Variants in CCND2 observed in about 807,000 individuals in gnomAD.
CCND2 encodes the protein cyclin D2, also known as G1/S-specific cyclin-D2.
CCND2 carries 6 observed loss-of-function variants against 30.2 expected under a neutral mutation model. The ratio of observed to expected loss-of-function variants is 0.20; its 90% CI spans 0.11 to 0.39. CCND2 has a LOEUF of 0.39. Ranked by LOEUF, CCND2 falls within the 10% of genes least tolerant of loss-of-function variation. The pLI, the probability that CCND2 is intolerant of heterozygous loss-of-function variation, is 1.00. For missense variants in CCND2, 235 were observed against 373.4 expected, an observed-to-expected ratio of 0.63 and a Z score of 3.06; for synonymous variants, 150 against 153.1, an observed-to-expected ratio of 0.98 and a Z score of 0.15.
chr12:4,299,147 G>A lies in CCND2; in HGVS notation c.721-713G>A, dbSNP rs1011981657. ...GAGGCCGATGCGGGCGGATCACAAG[G>A]TCAGGAGTTCGAGGCCAGCCTGGCC... On this transcript the variant is annotated intron_variant, in intron 4 of 4. Coordinates refer to ENST00000261254, the MANE Select transcript of CCND2 (RefSeq NM_001759.4). The surrounding 1 kb of genome is among the most constrained non-coding windows in gnomAD (Gnocchi z 5.2). Among the ~76,000 whole-genome samples, 2 of 152,020 alleles carry A rather than the reference G, an allele frequency of 1.3e-5. No individual in the cohort carries two copies. The highest frequency in any genetic ancestry group is 2.9e-5 in the Non-Finnish European group (2 of 67,996).
At chr12:4,283,768 G>A (rs3217831) in intron 3 of CCND2, among the ~76,000 whole-genome samples, 10 of 152,198 alleles carry the variant, frequency 6.6e-5, no homozygotes, top group African/African-American at 1.7e-4. Flanking sequence ...TCTGGGCATC[G>A]TTCCTTGGCT....
At position 4,274,002 on chromosome 12, in the gene CCND2, C is replaced by A. The variant is rs1051420057; in HGVS notation, c.-39C>A. On this transcript the variant is annotated 5_prime_UTR_variant, in exon 1 of 5. Coordinates refer to ENST00000261254, the MANE Select transcript of CCND2 (RefSeq NM_001759.4). The surrounding 1 kb of genome is among the most constrained non-coding windows in gnomAD (Gnocchi z 7.7). ...AAAAACAGAAAAACCTTTTTCCAGG[C>A]CGGGGAAAGCAGGAGGGAGAGGGGC... 21 of 1,586,026 alleles carry A rather than the reference C, an allele frequency of 1.3e-5. No individual in the cohort carries two copies. Among genetic ancestry groups the A allele is most frequent in the Non-Finnish European group, 1.7e-5 (20 of 1,164,352 alleles).
intron 4 of CCND2, among the ~76,000 whole-genome samples, chr12:4,294,184 C>T (rs1294695953): frequency 6.6e-6 from 1 of 151,748 alleles, no homozygotes; most frequent in African/African-American, 2.4e-5. Flanking sequence ...GGGCGCGGAG[C>T]TCGAGCCAGC....
chr12:4,301,617 A>G lies in CCND2; in HGVS notation c.*1608A>G, dbSNP rs1864250647. On this transcript the variant is annotated 3_prime_UTR_variant, in exon 5 of 5. Coordinates refer to ENST00000261254, the MANE Select transcript of CCND2 (RefSeq NM_001759.4). Reference sequence around the variant, plus strand: ...CACAGATTCTGCCTTGTTTCATAGTATGAGGGTTGAAGACGGAAAACAATC... The same window carrying G: ...CACAGATTCTGCCTTGTTTCATAGTGTGAGGGTTGAAGACGGAAAACAATC... 4.4e-6 allele frequency: 1 copy of G among 229,436 alleles called. No homozygotes were observed. Among genetic ancestry groups the G allele is most frequent in the African/African-American group, 2.3e-5 (1 of 44,384 alleles). 14.2% of individuals were successfully genotyped at this position (229,436 alleles called of 1,614,324 possible).
rs1261984704 is a variant in CCND2 at position 4,300,001 on chromosome 12, G to T, written c.862G>T (p.Asp288Tyr). The T allele has an allele frequency of 1.2e-6, 2 of 1,613,464 alleles. No individual in the cohort carries two copies. Among genetic ancestry groups the T allele is most frequent in the Non-Finnish European group, 1.7e-6 (2 of 1,179,678 alleles). Residue 288 changes from aspartate to tyrosine, a missense_variant, in exon 5 of 5, where the codon GAC (aspartate) becomes TAC (tyrosine). Around this residue, in one of 2 missense-constraint regions of CCND2, gnomAD observed 57 missense variants for 50.7 expected, o/e 1.12. Transcript: ENST00000261254. ...CACCCCTACAGACGTGCGGGATATC[G>T]ACCTGTGAGGATGCCAGTTGGGCCG... Reference protein sequence around the residue: ...ASTPTDVRDIDL With the variant: ...ASTPTDVRDIYL
At position 4,276,314 on chromosome 12, in the gene CCND2, T is replaced by C. The variant is rs550665561; in HGVS notation, c.411+94T>C. On this transcript the variant is annotated intron_variant, in intron 2 of 4. Transcript: ENST00000261254. This position sits in a 1 kb window ranked among gnomAD's most constrained non-coding sequence, Gnocchi z 4.8. ...CTATCACCACTGCCAGAGCAAATTC[T>C]TGGGATCCAGAATGACCCCACCAAT... 1.9e-6 allele frequency: 2 copies of C among 1,061,864 alleles called. No individual in the cohort carries two copies. Among genetic ancestry groups the C allele is most frequent in the Admixed American group, 2.2e-5 (1 of 45,886 alleles). The allele number at this position is 1,061,864 out of a possible 1,614,324, so 65.8% of individuals were successfully genotyped here. A position where few individuals can be genotyped will look rare whatever the true frequency, so the allele number is the denominator to read the frequency against.
intron 3 of CCND2, among the ~76,000 whole-genome samples, chr12:4,281,400 G>T (rs1863946605): frequency 6.6e-6 from 1 of 152,146 alleles, no homozygotes; most frequent in Non-Finnish European, 1.5e-5. Context: ...TGCATTGTGG[G>T]GCCAGGGTGT....
At chr12:4,297,890 C>G (rs1003703175) in intron 4 of CCND2, 2 of 444,460 alleles carry the variant, frequency 4.5e-6, no homozygotes, top group Non-Finnish European at 9.1e-6. Flanking sequence ...CACGGAGACT[C>G]CTGCTGCTGC....
At position 4,280,005 on chromosome 12, in the gene CCND2, T is replaced by G. The variant is rs373168899; in HGVS notation, c.571+1086T>G. ...ACGATGTAGTGCATATGCCCTGTGC[T>G]CACAGTCAAAAAGTCAGGCTTTGCT... On this transcript the variant is annotated intron_variant, in intron 3 of 4. Coordinates refer to ENST00000261254, the MANE Select transcript of CCND2 (RefSeq NM_001759.4). 3.3e-5 allele frequency among the ~76,000 whole-genome samples: 5 copies of G among 151,588 alleles called. No homozygotes were observed. In the East Asian group the frequency reaches 8.1e-4, roughly 25 times the overall value.
At position 4,274,334 on chromosome 12, in the gene CCND2, G is replaced by T. The variant is rs987159172; in HGVS notation, c.195+99G>T. The T allele has an allele frequency of 3.1e-6, 4 of 1,296,440 alleles. No individual in the cohort carries two copies. In the African/African-American group the frequency reaches 5.9e-5, roughly 19 times the overall value. 80.3% of individuals were successfully genotyped at this position (1,296,440 alleles called of 1,614,324 possible). A position where few individuals can be genotyped will look rare whatever the true frequency, so the allele number is the denominator to read the frequency against. Reference sequence around the variant, plus strand: ...CCTGGGAGAGGGCAATCCCCGCGCCGGCCTCCCGGCTCCTGTGCGGGAGTT... The same window carrying T: ...CCTGGGAGAGGGCAATCCCCGCGCCTGCCTCCCGGCTCCTGTGCGGGAGTT... On this transcript the variant is annotated intron_variant, in intron 1 of 4. Coordinates refer to ENST00000261254, the MANE Select transcript of CCND2 (RefSeq NM_001759.4). This position sits in a 1 kb window ranked among gnomAD's most constrained non-coding sequence, Gnocchi z 7.7.
At position 4,299,769 on chromosome 12, in the gene CCND2, T is replaced by G; in HGVS notation, c.721-91T>G. 1 of 1,276,870 alleles carries G rather than the reference T, an allele frequency of 7.8e-7. No individual in the cohort carries two copies. The highest frequency in any genetic ancestry group is 1.1e-6 in the Non-Finnish European group (1 of 909,988). The allele number at this position is 1,276,870 out of a possible 1,614,324, so 79.1% of individuals were successfully genotyped here. On this transcript the variant is annotated intron_variant, in intron 4 of 4. Transcript: ENST00000261254. This position sits in a 1 kb window ranked among gnomAD's most constrained non-coding sequence, Gnocchi z 5.2. ...ATTTCTACTGGAAACTAGCACAGAC[T>G]TATGCAAGCTAAATTACGCATGTTT...
intron 2 of CCND2, 194 bp from the exon 3 acceptor site, chr12:4,278,566 T>G (rs1179461691): frequency 2.1e-6 from 1 of 477,442 alleles, no homozygotes; most frequent in Non-Finnish European, 3.7e-6. Flanking sequence ...AGCCTGACAT[T>G]TGAAGCATAA....
At position 4,300,139 on chromosome 12, in the gene CCND2, T is replaced by A; in HGVS notation, c.*130T>A. 1 of 902,550 alleles carries A rather than the reference T, an allele frequency of 1.1e-6. No homozygotes were observed. Among genetic ancestry groups the A allele is most frequent in the Non-Finnish European group, 1.6e-6 (1 of 622,256 alleles). The allele number at this position is 902,550 out of a possible 1,614,324, so 55.9% of individuals were successfully genotyped here. On this transcript the variant is annotated 3_prime_UTR_variant, in exon 5 of 5. Transcript: ENST00000261254. ...ATTCTGCCCCCACCTAGATCATATT[T>A]AAAGATCTTTTAGAAGTGAGAGAAA...
intron 3 of CCND2, among the ~76,000 whole-genome samples, chr12:4,286,061 A>G (rs972377590): frequency 1.3e-5 from 2 of 151,840 alleles, no homozygotes; most frequent in Admixed American, 1.3e-4. Flanking sequence ...CTATCTTTAA[A>G]CTCTTGACCT....
At position 4,302,543 on chromosome 12, in the gene CCND2, A is replaced by C. The variant is rs1864264857; in HGVS notation, c.*2534A>C. 1 of 233,076 alleles carries C rather than the reference A, an allele frequency of 4.3e-6. No individual in the cohort carries two copies. The highest frequency in any genetic ancestry group is 2.2e-5 in the African/African-American group (1 of 45,324). The allele number at this position is 233,076 out of a possible 1,614,324, so 14.4% of individuals were successfully genotyped here. On this transcript the variant is annotated 3_prime_UTR_variant, in exon 5 of 5. Transcript: ENST00000261254. ...TTCCTAGGTCTGAATCTGCGAGTAG[A>C]TGAACCTGCAGCAAGCAGCGTTTAT... is the stretch of plus-strand genomic sequence containing the variant.
At chr12:4,279,855 C>T (rs892185059) in intron 3 of CCND2, among the ~76,000 whole-genome samples, 6 of 151,310 alleles carry the variant, frequency 4.0e-5, no homozygotes, top group Non-Finnish European at 7.4e-5. Context: ...GAAGACCTTT[C>T]GGTGTGCTTC....
intron 1 of CCND2, among the ~76,000 whole-genome samples, chr12:4,275,674 GAGTT>G (rs1256427846): frequency 3.3e-5 from 5 of 151,336 alleles, no homozygotes; most frequent in Admixed American, 2.6e-4. Flanking sequence ...AAGAGTGAGT[GAGTT>G]AGAGTGCGCG....
At chr12:4,281,171 C>T (rs1863942683) in intron 3 of CCND2, among the ~76,000 whole-genome samples, 2 of 152,202 alleles carry the variant, frequency 1.3e-5, no homozygotes, top group South Asian at 4.1e-4. Context: ...CAGGCGTTGA[C>T]AGGGCAGAGC....
rs983849127 is a variant in CCND2, at chr12:4,282,486, C to T, written c.571+3567C>T. Among the ~76,000 whole-genome samples the T allele has an allele frequency of 2.0e-5, 3 of 152,180 alleles. No homozygotes were observed. Among genetic ancestry groups the T allele is most frequent in the African/African-American group, 7.2e-5 (3 of 41,442 alleles). ...GAGACAGTGGTGGCCCAGAGAAGTT[C>T]GATGACTTGGCCCTTGATCTAGAGT... On this transcript the variant is annotated intron_variant, in intron 3 of 4. Coordinates refer to ENST00000261254, the MANE Select transcript of CCND2 (RefSeq NM_001759.4). This position sits in a 1 kb window ranked among gnomAD's most constrained non-coding sequence, Gnocchi z 4.3.
Sources: allele counts gnomAD v4.1 joint callset (sites outside exome capture counted in the v4.1 genomes callset), GRCh38; gene constraint gnomAD v4.1.1; regional missense constraint gnomAD v4.1.1; non-coding constraint Gnocchi (gnomAD v3.1); transcripts MANE v1.5; gene names NCBI Gene and HGNC (gene_info 2026-07-23, HGNC 2026-07-21).